Variants in GPR176 observed in about 807,000 individuals in gnomAD.
GPR176 encodes G protein-coupled receptor 176.
Under a neutral mutation model 35.4 loss-of-function variants are expected in GPR176, and 26 were observed. That is an observed-to-expected ratio of 0.74 (90% confidence interval 0.54 to 1.02). The LOEUF is 1.02. Among genes scored for constraint, GPR176 ranks in the 50% least tolerant of loss-of-function variants. GPR176 has a pLI of 0.00. For synonymous variants in GPR176, 278 were observed against 271.3 expected (o/e 1.02, Z -0.24); for missense variants, 597 against 665.3 (o/e 0.90, Z 1.13).
At chr15:39,854,538 T>C (rs1365622294) in intron 1 of GPR176, among the ~76,000 whole-genome samples, 1 of 152,214 alleles carries the variant, frequency 6.6e-6, no homozygotes, top group African/African-American at 2.4e-5. Flanking sequence ...TTCCCTGACA[T>C]AGTCTTAGTT....
chr15:39,812,562 C>T lies in GPR176; in HGVS notation c.173-5304G>A, dbSNP rs192426968. 3.3e-3 allele frequency among the ~76,000 whole-genome samples: 502 copies of T among 152,248 alleles called. 5 individuals carry two copies. Among genetic ancestry groups the T allele is most frequent in the African/African-American group, 0.012 (485 of 41,534 alleles). On this transcript the variant is annotated intron_variant, in intron 1 of 2. Transcript: ENST00000561100. The stretch of plus-strand genomic sequence containing the variant: ...CTTCCCTACTTTTGAGGTTTTGGGA[C>T]TTGAACTGGCTTCCTGGCTCCTCAG...
chr15:39,844,863 C>A (rs2030307281), intron 1 of GPR176, among the ~76,000 whole-genome samples: 1 of 152,184 alleles, frequency 6.6e-6, no homozygotes, highest in Non-Finnish European at 1.5e-5. Context: ...GGGTGACCAA[C>A]CATCCTGGTT....
chr15:39,852,683 T>C (rs2030953553), intron 1 of GPR176, among the ~76,000 whole-genome samples: 1 of 152,202 alleles, frequency 6.6e-6, no homozygotes. Context: ...TTTTTAAGTG[T>C]CAGATTTTAA....
At chr15:39,858,347 T>G (rs2031377350) in intron 1 of GPR176, among the ~76,000 whole-genome samples, 2 of 152,154 alleles carry the variant, frequency 1.3e-5, no homozygotes, top group Admixed American at 1.3e-4. Flanking sequence ...CCTGAGGCTT[T>G]GGCAGAAATG....
intron 1 of GPR176, among the ~76,000 whole-genome samples, chr15:39,909,179 C>T (rs1441362208): frequency 6.6e-5 from 10 of 152,102 alleles, no homozygotes; most frequent in African/African-American, 1.2e-4. Context: ...GGAAAGTGGA[C>T]GTGATTAATG....
At chr15:39,891,986 C>A (rs1313082367) in intron 1 of GPR176, among the ~76,000 whole-genome samples, 2 of 152,204 alleles carry the variant, frequency 1.3e-5, no homozygotes. Flanking sequence ...AATTTTGGGA[C>A]TCAAGCATGT....
chr15:39,807,777 A>C (rs1471415998), intron 1 of GPR176, among the ~76,000 whole-genome samples: 1 of 152,244 alleles, frequency 6.6e-6, no homozygotes, highest in Non-Finnish European at 1.5e-5. Flanking sequence ...TGATTACTTT[A>C]AAATTATTAA....
At chr15:39,919,725 A>T in intron 1 of GPR176, 130 bp downstream of exon 1, 1 of 617,884 alleles carries the variant, frequency 1.6e-6, no homozygotes, top group Non-Finnish European at 2.5e-6. Flanking sequence ...CGGGATCCTT[A>T]AGCTTCCTTC....
chr15:39,913,958 A>G (rs905034888), intron 1 of GPR176, among the ~76,000 whole-genome samples: 13 of 152,130 alleles, frequency 8.5e-5, no homozygotes, highest in African/African-American at 3.1e-4. Flanking sequence ...AGGCAGGAGA[A>G]TGGCGTGAAC....
rs1172202650 is a variant in GPR176 at position 39,800,791 on chromosome 15, T to C, written c.*341A>G. On this transcript the variant is annotated 3_prime_UTR_variant, in exon 3 of 3. Transcript: ENST00000561100. ...GAGCTCTGAAAGTCTTCTCTCTGTG[T>C]GTTCTCTGCAGAGCCCAGGGAAGTG... 4.5e-6 allele frequency: 1 copy of C among 221,254 alleles called. No individual in the cohort carries two copies. The highest frequency in any genetic ancestry group is 1.1e-4 in the East Asian group (1 of 9,060). The allele number at this position is 221,254 out of a possible 1,614,324, so 13.7% of individuals were successfully genotyped here. A position where few individuals can be genotyped will look rare whatever the true frequency, so the allele number is the denominator to read the frequency against.
intron 1 of GPR176, among the ~76,000 whole-genome samples, chr15:39,848,532 A>C (rs1477697200): frequency 6.6e-6 from 1 of 152,176 alleles, no homozygotes; most frequent in Non-Finnish European, 1.5e-5. Flanking sequence ...AATGCCCACA[A>C]GATATATATC....
chr15:39,859,367 C>T (rs952378540), intron 1 of GPR176, among the ~76,000 whole-genome samples: 1 of 151,612 alleles, frequency 6.6e-6, no homozygotes, highest in East Asian at 1.9e-4. Flanking sequence ...AGACATTTCT[C>T]CAAAGAGGAT....
At chr15:39,826,532 G>A (rs771604532) in intron 1 of GPR176, among the ~76,000 whole-genome samples, 2 of 152,134 alleles carry the variant, frequency 1.3e-5, no homozygotes, top group African/African-American at 4.8e-5. Context: ...AGTGTGCAGG[G>A]CACAGCAAGG....
intron 1 of GPR176, among the ~76,000 whole-genome samples, chr15:39,831,486 A>G (rs942184362): frequency 6.6e-6 from 1 of 152,050 alleles, no homozygotes; most frequent in Admixed American, 6.6e-5. Flanking sequence ...AACTAAATCC[A>G]TTGTTGGTTT....
intron 1 of GPR176, among the ~76,000 whole-genome samples, chr15:39,831,746 T>C (rs182375172): frequency 1.6e-4 from 24 of 152,264 alleles, no homozygotes; most frequent in African/African-American, 5.1e-4. Context: ...ATCCCTCCAG[T>C]GGCCCAATAT....
chr15:39,910,548 A>C (rs2033551259), intron 1 of GPR176, among the ~76,000 whole-genome samples: 1 of 151,936 alleles, frequency 6.6e-6, no homozygotes, highest in Non-Finnish European at 1.5e-5. Context: ...ACAAGAGCAA[A>C]CCGCATCTCA....
chr15:39,863,612 A>G (rs1371583769), intron 1 of GPR176, among the ~76,000 whole-genome samples: 1 of 152,222 alleles, frequency 6.6e-6, no homozygotes, highest in Non-Finnish European at 1.5e-5. Flanking sequence ...TAAAGTCTAT[A>G]GTAGTGTAGA....
chr15:39,917,319 A>G (rs2033751718), intron 1 of GPR176, among the ~76,000 whole-genome samples: 1 of 151,218 alleles, frequency 6.6e-6, no homozygotes, highest in South Asian at 2.1e-4. Flanking sequence ...TAACAGGTAT[A>G]CAGGGCAATG....
At chr15:39,878,292 CCT>C (rs887350059) in intron 1 of GPR176, among the ~76,000 whole-genome samples, 3 of 152,146 alleles carry the variant, frequency 2.0e-5, no homozygotes, top group Non-Finnish European at 4.4e-5. Context: ...TTCTCCCACC[CCT>C]GACAGCCATC....
Sources: gnomAD v4.1 joint callset for allele counts (sites outside exome capture counted in the v4.1 genomes callset) on GRCh38, gnomAD v4.1.1 for gene constraint, MANE v1.5 for transcripts, NCBI Gene and HGNC (gene_info 2026-07-23, HGNC 2026-07-21) for gene names.